Variants in WWC1 observed in about 807,000 individuals in gnomAD.
The protein encoded by WWC1 is WW and C2 domain containing 1, also known as protein KIBRA.
WWC1 carries 55 observed loss-of-function variants against 138.4 expected under a neutral mutation model. The observed-to-expected ratio is 0.40, with a 90% CI of 0.32 to 0.50. The LOEUF (loss-of-function observed/expected upper bound fraction) is 0.50. WWC1 is among the 20% of genes least tolerant of loss of function. WWC1 has a pLI of 0.72. For missense variants in WWC1, 1,226 were observed against 1,420.4 expected (o/e 0.86, Z 2.20); for synonymous variants, 524 against 564.9 (o/e 0.93, Z 1.03).
At chr5:168,297,453 C>T (rs1283818978) in intron 1 of WWC1, among the ~76,000 whole-genome samples, 1 of 151,958 alleles carries the variant, frequency 6.6e-6, no homozygotes, top group Non-Finnish European at 1.5e-5. Context: ...ATGGAGAAAC[C>T]CCATCTCTAC....
intron 1 of WWC1, among the ~76,000 whole-genome samples, chr5:168,315,319 G>A (rs530852992): frequency 6.6e-6 from 1 of 152,030 alleles, no homozygotes; most frequent in South Asian, 2.1e-4. Context: ...AATCCCAGTG[G>A]GGCTTCTGGG....
rs534718880 is a variant in WWC1 at position 168,466,343 on chromosome 5, T to A, written c.3150+1381T>A. On this transcript the variant is annotated intron_variant, in intron 21 of 22. Transcript: ENST00000265293. ...ACCAATATGAAAAATTTCATAAATT[T>A]TTCATTTATGAAAAATAATACCTGC... Among the ~76,000 whole-genome samples the A allele has an allele frequency of 1.4e-4, 21 of 152,300 alleles. No individual in the cohort carries two copies. The South Asian group carries it at 4.4e-3, about 32-fold the overall frequency.
intron 8 of WWC1, chr5:168,410,197 C>T (rs888888): frequency 0.38 from 218,742 of 570,290 alleles, 49,668 homozygotes; most frequent in African/African-American, 0.75. Context: ...CTTCACAAGA[C>T]AGAGAGTGAA....
chr5:168,449,510 C>T (rs1159215756), intron 17 of WWC1, among the ~76,000 whole-genome samples: 2 of 148,984 alleles, frequency 1.3e-5, no homozygotes, highest in Admixed American at 1.3e-4. Context: ...AATGTGGCTT[C>T]TACAGAGGGC....
chr5:168,303,888 TC>T (rs1770311662), intron 1 of WWC1, among the ~76,000 whole-genome samples: 2 of 152,032 alleles, frequency 1.3e-5, no homozygotes, highest in South Asian at 4.1e-4. Context: ...AGCAAATCCC[TC>T]CTCTCATGGA....
At chr5:168,333,320 A>C (rs1341056291) in intron 1 of WWC1, among the ~76,000 whole-genome samples, 1 of 152,202 alleles carries the variant, frequency 6.6e-6, no homozygotes, top group Non-Finnish European at 1.5e-5. Context: ...TCAAGCATGC[A>C]TCTGCAGACC....
chr5:168,415,403 AG>A (rs1461545549), intron 9 of WWC1: 1 of 152,172 alleles, frequency 6.6e-6, no homozygotes, highest in Non-Finnish European at 1.5e-5. Flanking sequence ...ATAACCTAAA[AG>A]CCACCGGTTT....
At chr5:168,426,809 C>T (rs567585015) in intron 11 of WWC1, among the ~76,000 whole-genome samples, 6 of 152,338 alleles carry the variant, frequency 3.9e-5, no homozygotes, top group African/African-American at 9.6e-5. Context: ...CCGGTCTGCC[C>T]GCAGGTGCTC....
Position 168,464,870 on chromosome 5 carries a change from G to C in WWC1, c.3058G>C (p.Glu1020Gln). Residue 1020 changes from glutamate to glutamine, a missense_variant, in exon 21 of 23, where the codon GAA becomes CAA. By Grantham distance (29) the Glu-to-Gln change is conservative. Transcript: ENST00000265293. ...SVLKELKEQL[E>Q]QAKSHGEKEL... The stretch of plus-strand genomic sequence containing the variant: ...GCTGAAGGAGCTCAAGGAGCAGCTG[G>C]AACAAGCCAAGAGCCACGGGGAGAA... The C allele has an allele frequency of 6.2e-7, 1 of 1,614,210 alleles. No homozygotes were observed. The highest frequency in any genetic ancestry group is 8.5e-7 in the Non-Finnish European group (1 of 1,180,040).
chr5:168,321,140 G>A (rs75053344), intron 1 of WWC1, among the ~76,000 whole-genome samples: 2 of 152,134 alleles, frequency 1.3e-5, no homozygotes, highest in East Asian at 3.9e-4. Context: ...GTATTTGGTA[G>A]GACATCCCCC....
intron 2 of WWC1, among the ~76,000 whole-genome samples, chr5:168,380,146 A>G (rs1230808366): frequency 6.6e-6 from 1 of 152,206 alleles, no homozygotes; most frequent in Non-Finnish European, 1.5e-5. Context: ...GACGTCCTAC[A>G]ACTTAACAGT....
intron 1 of WWC1, among the ~76,000 whole-genome samples, chr5:168,293,299 C>T (rs1240772972): frequency 1.3e-5 from 2 of 152,154 alleles, no homozygotes; most frequent in African/African-American, 2.4e-5. Flanking sequence ...TTGGGGAATG[C>T]GGACTTTAAA....
In WWC1 at chr5:168,349,858, G is replaced by A. The variant is rs551401242; in HGVS notation, c.120-21566G>A. On this transcript the variant is annotated intron_variant, in intron 1 of 22. Coordinates refer to ENST00000265293, the MANE Select transcript of WWC1 (RefSeq NM_015238.3). ...CAACCCCAGTTCTGTGACCAACAGC[G>A]GCCTCTTAAGTAACCGTTTGTTTCC... 1.1e-4 allele frequency among the ~76,000 whole-genome samples: 17 copies of A among 152,234 alleles called. No homozygotes were observed. The South Asian group carries it at 2.9e-3, about 26-fold the overall frequency.
intron 9 of WWC1, among the ~76,000 whole-genome samples, chr5:168,421,237 C>T (rs1781066870): frequency 6.6e-6 from 1 of 152,168 alleles, no homozygotes; most frequent in African/African-American, 2.4e-5. Context: ...ACTACTAGTG[C>T]TCACATCCCA....
At chr5:168,364,076 G>A (rs1046429454) in intron 1 of WWC1, among the ~76,000 whole-genome samples, 2 of 152,090 alleles carry the variant, frequency 1.3e-5, no homozygotes, top group Non-Finnish European at 2.9e-5. Context: ...CCCGGCACTA[G>A]ATACTGTATA....
At position 168,441,825 on chromosome 5, in the gene WWC1, T is replaced by C. The variant is rs772692598; in HGVS notation, c.2424T>C (p.Pro808=). ...PVGVMAPASG[P]ASTDAVSALL... is the part of the protein sequence containing the mutation. ...GAGTCATGGCCCCTGCCTCAGGGCC[T>C]GCCAGCACGGTGAGCTGGGACCAGG... The change falls in exon 16 of 23, where the codon CCT becomes CCC. Residue 808 remains proline, a synonymous_variant. Transcript: ENST00000265293. 3.1e-6 allele frequency: 5 copies of C among 1,613,534 alleles called. No homozygotes were observed. Among genetic ancestry groups the C allele is most frequent in the African/African-American group, 2.7e-5 (2 of 74,912 alleles).
intron 9 of WWC1, among the ~76,000 whole-genome samples, chr5:168,420,713 G>A (rs1432873253): frequency 3.3e-5 from 5 of 152,104 alleles, no homozygotes; most frequent in African/African-American, 1.2e-4. Context: ...TTGGCTGCCC[G>A]TAGCAGTAAC....
chr5:168,341,703 A>T (rs1424012693), intron 1 of WWC1, among the ~76,000 whole-genome samples: 4 of 37,294 alleles, frequency 1.1e-4, no homozygotes, highest in East Asian at 1.1e-3. Flanking sequence ...TTGCTGATTT[A>T]AAAAAAAAAA....
intron 1 of WWC1, among the ~76,000 whole-genome samples, chr5:168,333,803 T>C (rs2152769257): frequency 6.6e-6 from 1 of 152,122 alleles, no homozygotes; most frequent in East Asian, 1.9e-4. Flanking sequence ...GAAATTGCTA[T>C]CCCTTACCAG....
Sources: allele counts gnomAD v4.1 joint callset (sites outside exome capture counted in the v4.1 genomes callset), GRCh38; gene constraint gnomAD v4.1.1; transcripts MANE v1.5; gene names NCBI Gene and HGNC (gene_info 2026-07-23, HGNC 2026-07-21).